ZNF385D: variants seen among roughly 807,000 people sequenced by gnomAD.
ZNF385D encodes zinc finger protein 659.
Under a neutral mutation model 35.8 loss-of-function variants are expected in ZNF385D, and 15 were observed. The observed-to-expected ratio is 0.42, with a 90% confidence interval of 0.28 to 0.64. The LOEUF (loss-of-function observed/expected upper bound fraction) is 0.64, where lower values mean the gene tolerates loss of function less well. ZNF385D is among the 30% of genes least tolerant of loss of function. ZNF385D has a pLI of 0.23. For synonymous variants in ZNF385D, 212 were observed against 186.8 expected (o/e 1.13, Z -1.10); for missense variants, 474 against 494.6 (o/e 0.96, Z 0.39).
intron 3 of ZNF385D, among the ~76,000 whole-genome samples, chr3:22,002,145 GTGAAA>G (rs1267008692): frequency 6.6e-6 from 1 of 151,170 alleles, no homozygotes; most frequent in Admixed American, 6.6e-5. Context: ...ACAAAGATTA[GTGAAA>G]TGAAAAGTTG....
At chr3:22,185,900 T>C (rs13077504) in intron 2 of ZNF385D, among the ~76,000 whole-genome samples, 26,938 of 152,232 alleles carry the variant, frequency 0.18, 2,556 homozygotes, top group African/African-American at 0.2. Flanking sequence ...TAACCACGTG[T>C]TAACCTGATA....
At chr3:21,607,759 CAG>C (rs1559454940) in intron 2 of ZNF385D, among the ~76,000 whole-genome samples, 1 of 152,126 alleles carries the variant, frequency 6.6e-6, no homozygotes, top group Non-Finnish European at 1.5e-5. Context: ...GTAAGAGAGA[CAG>C]AGGAGGACAA....
intron 3 of ZNF385D, among the ~76,000 whole-genome samples, chr3:21,928,226 G>A (rs920423845): frequency 6.7e-6 from 1 of 149,340 alleles, no homozygotes; most frequent in East Asian, 2.0e-4. Context: ...AAGGATGGAC[G>A]GACGGACAGA....
chr3:22,067,886 G>C (rs1413944169), intron 3 of ZNF385D, among the ~76,000 whole-genome samples: 1 of 152,066 alleles, frequency 6.6e-6, no homozygotes, highest in South Asian at 2.1e-4. Context: ...GCTGGGCTTG[G>C]TGGCACACCT....
intron 2 of ZNF385D, among the ~76,000 whole-genome samples, chr3:22,278,928 A>T (rs926262012): frequency 6.6e-6 from 1 of 152,064 alleles, no homozygotes; most frequent in African/African-American, 2.4e-5. Flanking sequence ...CATCTCCCAC[A>T]GCCCTTACTC....
chr3:21,877,857 T>C (rs1279725156), intron 3 of ZNF385D: 1 of 152,044 alleles, frequency 6.6e-6, no homozygotes, highest in Non-Finnish European at 1.5e-5. Flanking sequence ...TTTTCCACAA[T>C]AAATTTATTT....
chr3:21,724,496 A>ACCCC (rs1559554500), intron 1 of ZNF385D, among the ~76,000 whole-genome samples: 8 of 89,874 alleles, frequency 8.9e-5, no homozygotes, highest in Non-Finnish European at 1.8e-4. Flanking sequence ...AAAAAAAAAA[A>ACCCC]AAAAAAAAAA....
intron 3 of ZNF385D, among the ~76,000 whole-genome samples, chr3:21,520,177 G>T (rs1451587972): frequency 1.3e-5 from 2 of 152,148 alleles, no homozygotes; most frequent in Non-Finnish European, 2.9e-5. Flanking sequence ...ACCTGTACTT[G>T]CCTGGTAGAT....
chr3:22,106,413 A>C (rs1702216466), intron 3 of ZNF385D, among the ~76,000 whole-genome samples: 1 of 152,092 alleles, frequency 6.6e-6, no homozygotes, highest in Admixed American at 6.6e-5. Context: ...AAAAAATCTT[A>C]CATTTTCCAA....
At chr3:21,908,092 CTCTATA>C (rs372268583) in intron 3 of ZNF385D, among the ~76,000 whole-genome samples, 7 of 151,686 alleles carry the variant, frequency 4.6e-5, no homozygotes, top group South Asian at 4.2e-4. Context: ...TTTATTTTCT[CTCTATA>C]TCTATATATC....
intron 3 of ZNF385D, among the ~76,000 whole-genome samples, chr3:22,072,415 A>G (rs1700271016): frequency 6.6e-6 from 1 of 152,112 alleles, no homozygotes; most frequent in Admixed American, 6.6e-5. Context: ...CTGTCCTTCA[A>G]GCAGAATGAA....
chr3:22,253,607 A>C (rs1230914464), intron 2 of ZNF385D, among the ~76,000 whole-genome samples: 4 of 151,982 alleles, frequency 2.6e-5, no homozygotes, highest in Non-Finnish European at 5.9e-5. Flanking sequence ...CAAGATTCCA[A>C]ATCCCTGGCA....
chr3:22,260,499 G>C (rs1012844740), intron 2 of ZNF385D, among the ~76,000 whole-genome samples: 2 of 151,666 alleles, frequency 1.3e-5, no homozygotes, highest in East Asian at 2.0e-4. Context: ...ATGTATCCCA[G>C]AACTTAAAAT....
At chr3:21,927,884 C>G (rs1020464816) in intron 3 of ZNF385D, among the ~76,000 whole-genome samples, 1 of 152,030 alleles carries the variant, frequency 6.6e-6, no homozygotes, top group African/African-American at 2.4e-5. Flanking sequence ...ATACCACTCT[C>G]GATAACAGCA....
intron 2 of ZNF385D, among the ~76,000 whole-genome samples, chr3:21,601,091 G>T (rs1163534616): frequency 1.3e-5 from 2 of 151,900 alleles, no homozygotes; most frequent in African/African-American, 4.8e-5. Context: ...TTTCAAGGAG[G>T]TTTTTATTTT....
At chr3:21,652,782 T>C (rs574957125) in intron 2 of ZNF385D, among the ~76,000 whole-genome samples, 1 of 152,332 alleles carries the variant, frequency 6.6e-6, no homozygotes, top group East Asian at 1.9e-4. Context: ...GTAGTATTAA[T>C]ATTTTGCTGA....
chr3:21,428,536 G>A (rs1354195897), intron 5 of ZNF385D, among the ~76,000 whole-genome samples: 1 of 151,986 alleles, frequency 6.6e-6, no homozygotes, highest in Non-Finnish European at 1.5e-5. Flanking sequence ...CTTGGAATTT[G>A]AGTCTACAAT....
intron 2 of ZNF385D, among the ~76,000 whole-genome samples, chr3:21,619,413 CGTGTGTGTGTGTGTGTGT>C (rs10594035): frequency 6.8e-6 from 1 of 147,856 alleles, no homozygotes; most frequent in African/African-American, 2.5e-5. Flanking sequence ...CGTGTGTGTG[CGTGTGTGTGTGTGTGTGT>C]GTGTGTGTCT....
At chr3:21,789,678 T>A (rs546902404) in intron 3 of ZNF385D, among the ~76,000 whole-genome samples, 1 of 152,178 alleles carries the variant, frequency 6.6e-6, no homozygotes, top group Non-Finnish European at 1.5e-5. Context: ...CTCATTTGCC[T>A]GTATTTAGAA....
Sources: gnomAD v4.1 joint callset for allele counts (sites outside exome capture counted in the v4.1 genomes callset) on GRCh38, gnomAD v4.1.1 for gene constraint, MANE v1.5 for transcripts, NCBI Gene and HGNC (gene_info 2026-07-23, HGNC 2026-07-21) for gene names.